L3MBTL4: variants seen among roughly 807,000 people sequenced by gnomAD.
L3MBTL4 encodes lethal(3)malignant brain tumor-like protein 4.
In L3MBTL4, 70 loss-of-function variants were observed where a neutral mutation model predicts 84.5. The ratio of observed to expected loss-of-function variants is 0.83; its 90% CI spans 0.68 to 1.01. L3MBTL4 has a LOEUF of 1.01. Among genes scored for constraint, L3MBTL4 ranks in the 50% least tolerant of loss-of-function variants. The probability of loss-of-function intolerance (pLI) is 0.00; values close to 1 mark genes in which losing one functional copy is unlikely to be tolerated. For missense variants in L3MBTL4, 715 were observed against 754.8 expected, an observed-to-expected ratio of 0.95 and a Z score of 0.62; for synonymous variants, 274 against 259.8, an observed-to-expected ratio of 1.05 and a Z score of -0.52.
chr18:6,034,024 C>T (rs1451089122), intron 16 of L3MBTL4, among the ~76,000 whole-genome samples: 1 of 152,156 alleles, frequency 6.6e-6, no homozygotes, highest in East Asian at 1.9e-4. Flanking sequence ...TTGAATCACT[C>T]TCTAGTGTCT....
At chr18:6,368,164 C>T (rs550599535) in intron 1 of L3MBTL4, among the ~76,000 whole-genome samples, 1 of 152,168 alleles carries the variant, frequency 6.6e-6, no homozygotes, top group South Asian at 2.1e-4. Flanking sequence ...TCCCTTCACC[C>T]TCTACACTCT....
chr18:6,212,063 A>G (rs1429320139), intron 12 of L3MBTL4, among the ~76,000 whole-genome samples: 2 of 152,264 alleles, frequency 1.3e-5, no homozygotes, highest in African/African-American at 4.8e-5. Context: ...AATTCCAGAA[A>G]TAAATAAGAG....
At chr18:6,013,687 G>A (rs1447718938) in intron 16 of L3MBTL4, among the ~76,000 whole-genome samples, 1 of 152,144 alleles carries the variant, frequency 6.6e-6, no homozygotes, top group Non-Finnish European at 1.5e-5. Context: ...CTTGCAATTC[G>A]AATTTTGCAT....
chr18:6,304,394 G>A (rs769223038), intron 3 of L3MBTL4, among the ~76,000 whole-genome samples: 3 of 152,170 alleles, frequency 2.0e-5, no homozygotes, highest in Admixed American at 6.5e-5. Flanking sequence ...GGATATCTTC[G>A]TGCAATTAAC....
chr18:6,400,305 G>T (rs1237053189), intron 1 of L3MBTL4, among the ~76,000 whole-genome samples: 2 of 152,152 alleles, frequency 1.3e-5, no homozygotes, highest in African/African-American at 2.4e-5. Context: ...CACTTTGCCT[G>T]GGTGTTTTCA....
chr18:6,232,454 G>A (rs1656221526), intron 10 of L3MBTL4, among the ~76,000 whole-genome samples: 2 of 151,930 alleles, frequency 1.3e-5, no homozygotes, highest in South Asian at 4.2e-4. Context: ...AGTTTGAGAG[G>A]GAGTGGTACT....
intron 4 of L3MBTL4, among the ~76,000 whole-genome samples, chr18:6,291,896 A>G (rs1450823199): frequency 6.6e-6 from 1 of 152,220 alleles, no homozygotes; most frequent in South Asian, 2.1e-4. Flanking sequence ...AGGAACCATC[A>G]ACAAAGTGAA....
intron 14 of L3MBTL4, among the ~76,000 whole-genome samples, chr18:6,137,249 C>CT (rs1277836126): frequency 1.3e-5 from 2 of 152,138 alleles, no homozygotes; most frequent in African/African-American, 4.8e-5. Context: ...TCATGTCTTT[C>CT]TTTTTTTATG....
intron 17 of L3MBTL4, among the ~76,000 whole-genome samples, chr18:5,968,697 TAAATAAAATAAAATA>T (rs34548706): frequency 2.1e-3 from 298 of 142,150 alleles, no homozygotes; most frequent in African/African-American, 3.6e-3. Flanking sequence ...ACCTTGTCTC[TAAATAAAATAAAATA>T]AAATAAAATA....
intron 1 of L3MBTL4, among the ~76,000 whole-genome samples, chr18:6,391,270 T>A (rs1395077360): frequency 6.6e-6 from 1 of 152,054 alleles, no homozygotes. Context: ...AAAAGCATTT[T>A]ATAAAATCCA....
At chr18:6,018,406 C>G (rs2055099037) in intron 16 of L3MBTL4, among the ~76,000 whole-genome samples, 1 of 152,184 alleles carries the variant, frequency 6.6e-6, no homozygotes, top group African/African-American at 2.4e-5. Context: ...GCTGAGCCCC[C>G]ACTGCAAAGG....
In L3MBTL4 at chr18:6,219,492, C is replaced by A. The variant is rs559257170; in HGVS notation, c.785-3657G>T. Among the ~76,000 whole-genome samples the A allele has an allele frequency of 9.4e-3, 1,328 of 140,894 alleles. 27 individuals are homozygous for A. Among genetic ancestry groups the A allele is most frequent in the African/African-American group, 0.031 (1,220 of 39,118 alleles). 92.4% of individuals were successfully genotyped at this position (140,894 alleles called of 152,430 possible). On this transcript the variant is annotated intron_variant, in intron 10 of 18. Coordinates refer to ENST00000317931, the MANE Select transcript of L3MBTL4 (RefSeq NM_001330559.2). ...ATGCCCACAGCCACAGCTTGGACCT[C>A]ATTCTTTAGGTCCAAGCTGTGGCTG...
chr18:6,249,551 C>T (rs1482880744), intron 5 of L3MBTL4, among the ~76,000 whole-genome samples: 1 of 152,148 alleles, frequency 6.6e-6, no homozygotes. Context: ...ACAGACTCAG[C>T]ATTTCTTGGA....
chr18:6,042,455 T>C (rs150034866), intron 16 of L3MBTL4, among the ~76,000 whole-genome samples: 164 of 152,006 alleles, frequency 1.1e-3, no homozygotes, highest in African/African-American at 3.7e-3. Flanking sequence ...CTCAGCCACT[T>C]CCATACCTCC....
intron 15 of L3MBTL4, among the ~76,000 whole-genome samples, chr18:6,090,569 A>G (rs568252950): frequency 1.9e-3 from 277 of 148,500 alleles, no homozygotes; most frequent in Non-Finnish European, 3.0e-3. Flanking sequence ...ATATATAAAT[A>G]TATGTGTATA....
intron 1 of L3MBTL4, among the ~76,000 whole-genome samples, chr18:6,401,889 G>T (rs965469834): frequency 6.6e-6 from 1 of 152,320 alleles, no homozygotes; most frequent in East Asian, 1.9e-4. Context: ...AGAACCAGGG[G>T]CGCAGCGCCA....
intron 13 of L3MBTL4, among the ~76,000 whole-genome samples, chr18:6,162,534 G>A (rs984753785): frequency 6.6e-6 from 1 of 152,126 alleles, no homozygotes; most frequent in Admixed American, 6.5e-5. Flanking sequence ...ACTCTATTTT[G>A]ATCTGATTTT....
chr18:6,089,120 T>TG (rs1450074371), intron 15 of L3MBTL4, among the ~76,000 whole-genome samples: 33 of 151,950 alleles, frequency 2.2e-4, no homozygotes, highest in Non-Finnish European at 1.0e-4. Flanking sequence ...AAAAAATGCC[T>TG]GAAAAAAAAG....
intron 1 of L3MBTL4, among the ~76,000 whole-genome samples, chr18:6,383,431 C>T (rs752939246): frequency 2.6e-5 from 4 of 152,100 alleles, no homozygotes; most frequent in Non-Finnish European, 5.9e-5. Flanking sequence ...AACTCAGGGC[C>T]CTGGTGGGGT....
Sources: gnomAD v4.1 joint callset for allele counts (sites outside exome capture counted in the v4.1 genomes callset) on GRCh38, gnomAD v4.1.1 for gene constraint, MANE v1.5 for transcripts, NCBI Gene and HGNC (gene_info 2026-07-23, HGNC 2026-07-21) for gene names.